Variants in MED23 observed in about 807,000 individuals in gnomAD.
MED23 encodes the protein mediator complex subunit 23.
MED23 carries 105 observed loss-of-function variants against 163.9 expected under a neutral mutation model. That is an observed-to-expected ratio of 0.64 (90% CI 0.55 to 0.75). MED23 has a LOEUF of 0.75. Among genes scored for constraint, MED23 ranks in the 30% least tolerant of loss-of-function variants. MED23 has a pLI of 0.00. For missense variants in MED23, 1,054 were observed against 1,649.0 expected, an observed-to-expected ratio of 0.64 and a Z score of 6.25; for synonymous variants, 561 against 565.6, an observed-to-expected ratio of 0.99 and a Z score of 0.12.
chr6:131,590,594 A>C, intron 26 of MED23, 152 bp from the exon 27 acceptor site: 2 of 527,160 alleles, frequency 3.8e-6, no homozygotes, highest in Non-Finnish European at 3.3e-6. Flanking sequence ...TTAATCTCAC[A>C]TCTCTCACTG....
Position 131,594,814 on chromosome 6 carries a change from A to G in MED23, c.2996-479T>C, listed in dbSNP as rs144190447. ...ACAGAACACTTGTGTTAAAACAAAC[A>G]AACAAACAAACAAACAAACAAACAA... On this transcript the variant is annotated intron_variant, in intron 22 of 28. Coordinates refer to ENST00000368068, the MANE Select transcript of MED23 (RefSeq NM_004830.4). Among the ~76,000 whole-genome samples the G allele has an allele frequency of 2.1e-3, 309 of 146,806 alleles. 1 individual carries two copies. Among genetic ancestry groups the G allele is most frequent in the Middle Eastern group, 0.014 (4 of 292 alleles).
intron 14 of MED23, among the ~76,000 whole-genome samples, chr6:131,604,568 G>T (rs1775720004): frequency 6.6e-6 from 1 of 152,044 alleles, no homozygotes; most frequent in Admixed American, 6.6e-5. Flanking sequence ...ACAAACTTTG[G>T]ATTCAACTCA....
At chr6:131,590,263 A>C (rs1272648156) in intron 27 of MED23, 59 bp downstream of exon 27, 1 of 1,519,302 alleles carries the variant, frequency 6.6e-7, no homozygotes, top group African/African-American at 1.4e-5. Flanking sequence ...CTGGTAAAGA[A>C]ACTTAAATAG....
intron 9 of MED23, among the ~76,000 whole-genome samples, chr6:131,617,470 T>C (rs1776778842): frequency 6.6e-6 from 1 of 151,970 alleles, no homozygotes. Context: ...ATTTCTTTTT[T>C]TTTTTTTCTT....
At chr6:131,606,678 T>C in intron 12 of MED23, 54 bp from the exon 13 acceptor site, 1 of 1,403,576 alleles carries the variant, frequency 7.1e-7, no homozygotes, top group Non-Finnish European at 1.0e-6. Flanking sequence ...AAGAATTAAA[T>C]AATTATGTGT....
chr6:131,621,370 C>T lies in MED23; in HGVS notation c.495+511G>A, dbSNP rs143937572. Among the ~76,000 whole-genome samples the T allele has an allele frequency of 4.6e-5, 7 of 151,724 alleles. No individual in the cohort carries two copies. In the East Asian group the frequency reaches 9.7e-4, roughly 21 times the overall value. The stretch of plus-strand genomic sequence containing the variant: ...ATATATACACACACACAGACAATTG[C>T]TACTTGTCAATTAAAATAAAATATA... On this transcript the variant is annotated intron_variant, in intron 6 of 28. Coordinates refer to ENST00000368068, the MANE Select transcript of MED23 (RefSeq NM_004830.4).
At chr6:131,615,057 C>T (rs1157281911) in intron 10 of MED23, among the ~76,000 whole-genome samples, 1 of 78,506 alleles carries the variant, frequency 1.3e-5, no homozygotes, top group Non-Finnish European at 2.3e-5. Flanking sequence ...GGTGTTGTCT[C>T]TTTGTTACCA....
At chr6:131,621,495 G>T (rs1246987860) in intron 6 of MED23, among the ~76,000 whole-genome samples, 1 of 152,060 alleles carries the variant, frequency 6.6e-6, no homozygotes, top group Non-Finnish European at 1.5e-5. Flanking sequence ...CAATGGAATG[G>T]ATTGTTCATG....
chr6:131,579,299 A>G (rs1395914270), intron 30 of MED23: 1 of 1,613,734 alleles, frequency 6.2e-7, no homozygotes. Flanking sequence ...TTGTTGAATA[A>G]CTGTGTCTAT....
In MED23 at chr6:131,604,335, A is replaced by C. The variant is rs369629844; in HGVS notation, c.1614-15T>G. The C allele has an allele frequency of 1.4e-5, 22 of 1,613,158 alleles. No individual in the cohort carries two copies. The highest frequency in any genetic ancestry group is 1.9e-5 in the Non-Finnish European group (22 of 1,179,522). On this transcript the variant is annotated splice_polypyrimidine_tract_variant and intron_variant, in intron 14 of 28. Coordinates refer to ENST00000368068, the MANE Select transcript of MED23 (RefSeq NM_004830.4). ...TGTGAATAAGGCTGAGGAGAAAAAA[A>C]GGGAAGAAAATAAAAATCCATATTT...
intron 21 of MED23, 50 bp from the exon 22 acceptor site, chr6:131,596,213 C>T: frequency 6.6e-7 from 1 of 1,505,276 alleles, no homozygotes. Context: ...TTAAAAAATT[C>T]TCTTAAAAGA....
rs917020235 is a variant in MED23, at chr6:131,615,503, C to CAAAAA, written c.876+399_876+403dup. Among the ~76,000 whole-genome samples the CAAAAA allele has an allele frequency of 5.6e-3, 79 of 14,138 alleles. 14 individuals are homozygous for CAAAAA. The highest frequency in any genetic ancestry group is 0.045 in the Middle Eastern group (1 of 22). The allele number at this position is 14,138 out of a possible 152,430, so 9.3% of individuals were successfully genotyped here. A position where few individuals can be genotyped will look rare whatever the true frequency, so the allele number is the denominator to read the frequency against. On this transcript the variant is annotated intron_variant, in intron 10 of 28. Coordinates refer to ENST00000368068, the MANE Select transcript of MED23 (RefSeq NM_004830.4). ...CCACCAAAAACAAGCAAACACACAC[C>CAAAAA]AAAAAAAAAAAAAAAAAAAAAAAAA...
rs747815546 is a variant in MED23 at position 131,598,525 on chromosome 6, A to T, written c.2426+31T>A. ...TGTTGTATGGATACAACAATTTGCC[A>T]AATGGAATGCAAATTAGGTTTTTGA... On this transcript the variant is annotated intron_variant, in intron 19 of 28. Transcript: ENST00000368068. This position sits in a 1 kb window ranked among gnomAD's most constrained non-coding sequence, Gnocchi z 4.7. 6.2e-7 allele frequency: 1 copy of T among 1,613,404 alleles called. No homozygotes were observed. Among genetic ancestry groups the T allele is most frequent in the Non-Finnish European group, 8.5e-7 (1 of 1,179,356 alleles).
At chr6:131,596,793 A>C (rs1428697407) in intron 20 of MED23, 105 bp from the exon 21 acceptor site, 12 of 1,117,520 alleles carry the variant, frequency 1.1e-5, no homozygotes, top group Non-Finnish European at 1.4e-5. Flanking sequence ...TCACTATTAT[A>C]ATTTCCTTAG....
chr6:131,614,585 T>G (rs1776526452), intron 10 of MED23, among the ~76,000 whole-genome samples: 1 of 152,168 alleles, frequency 6.6e-6, no homozygotes, highest in Admixed American at 6.6e-5. Context: ...TTGGCCATAG[T>G]GTTTTTCTCC....
chr6:131,619,537 C>A (rs1776932766), intron 8 of MED23, among the ~76,000 whole-genome samples: 1 of 151,858 alleles, frequency 6.6e-6, no homozygotes, highest in African/African-American at 2.4e-5. Context: ...CTAGAAATTC[C>A]ATGGTGCTTT....
At position 131,619,648 on chromosome 6, in the gene MED23, C is replaced by G. The variant is rs1387303063; in HGVS notation, c.667+179G>C. The stretch of plus-strand genomic sequence containing the variant: ...ATTCCAGAGAGTTTCTTTTTCCTCC[C>G]TGTACTTGGCACACAGAGTAAGTGA... On this transcript the variant is annotated intron_variant, in intron 8 of 28. Coordinates refer to ENST00000368068, the MANE Select transcript of MED23 (RefSeq NM_004830.4). Among the ~76,000 whole-genome samples, 5 of 152,098 alleles carry G rather than the reference C, an allele frequency of 3.3e-5. No individual in the cohort carries two copies. In the South Asian group the frequency reaches 1.0e-3, roughly 32 times the overall value.
At chr6:131,622,987 A>C (rs866246830) in intron 5 of MED23, among the ~76,000 whole-genome samples, 1 of 152,234 alleles carries the variant, frequency 6.6e-6, no homozygotes, top group Admixed American at 6.5e-5. Flanking sequence ...AAGTGAAGCC[A>C]GGTCTTGCTC....
intron 3 of MED23, 52 bp downstream of exon 3, chr6:131,627,344 A>AG (rs1242108082): frequency 2.2e-6 from 3 of 1,359,178 alleles, no homozygotes; most frequent in East Asian, 4.6e-5. Context: ...AAAAAAAAAA[A>AG]AAGAAGAGGC....
Sources: gnomAD v4.1 joint callset for allele counts (sites outside exome capture counted in the v4.1 genomes callset) on GRCh38, gnomAD v4.1.1 for gene constraint, Gnocchi (gnomAD v3.1) non-coding constraint, MANE v1.5 for transcripts, NCBI Gene and HGNC (gene_info 2026-07-23, HGNC 2026-07-21) for gene names.